The following PSMD12 variants were observed in gnomAD, a reference collection of about 807,000 sequenced individuals.
PSMD12 encodes the protein 26S proteasome non-ATPase regulatory subunit 12.
A neutral mutation model predicts 62.9 loss-of-function variants in PSMD12; 8 were observed. That is an observed-to-expected ratio of 0.13 (90% CI 0.07 to 0.23). PSMD12 has a LOEUF of 0.23. PSMD12 is among the 10% of genes least tolerant of loss of function. The probability of loss-of-function intolerance (pLI) is 1.00; values close to 1 mark genes in which losing one functional copy is unlikely to be tolerated. For missense variants in PSMD12, 424 were observed against 550.2 expected, an observed-to-expected ratio of 0.77 and a Z score of 2.29; for synonymous variants, 173 against 187.4, an observed-to-expected ratio of 0.92 and a Z score of 0.63.
chr17:67,356,585 A>AAAAAAAAAAAAC, intron 3 of PSMD12, among the ~76,000 whole-genome samples: 1 of 146,840 alleles, frequency 6.8e-6, no homozygotes, highest in Non-Finnish European at 1.5e-5. Flanking sequence ...AAAAAAAAAA[A>AAAAAAAAAAAAC]AGAAAATGAA....
intron 1 of PSMD12, among the ~76,000 whole-genome samples, chr17:67,359,422 CT>C (rs1449303764): frequency 6.6e-6 from 1 of 152,128 alleles, no homozygotes; most frequent in Non-Finnish European, 1.5e-5. Context: ...GTAAATATCT[CT>C]GACAATAAAT....
At chr17:67,352,851 G>C (rs934722472) in intron 3 of PSMD12, among the ~76,000 whole-genome samples, 3 of 152,198 alleles carry the variant, frequency 2.0e-5, no homozygotes, top group Non-Finnish European at 2.9e-5. Flanking sequence ...ACTGTATCCA[G>C]GGCAGTGCTT....
intron 3 of PSMD12, among the ~76,000 whole-genome samples, chr17:67,356,583 A>AAAAAAG (rs1567958899): frequency 6.8e-6 from 1 of 147,098 alleles, no homozygotes; most frequent in Admixed American, 6.8e-5. Flanking sequence ...AAAAAAAAAA[A>AAAAAAG]AAAGAAAATG....
intron 1 of PSMD12, 103 bp downstream of exon 1, chr17:67,366,309 G>A (rs1194661376): frequency 1.8e-6 from 2 of 1,111,778 alleles, no homozygotes; most frequent in Non-Finnish European, 2.6e-6. Flanking sequence ...GACAGGCATT[G>A]GGGGGTGCAC....
chr17:67,355,948 T>C (rs6504500), intron 3 of PSMD12, among the ~76,000 whole-genome samples: 110,973 of 150,452 alleles, frequency 0.74, 41,345 homozygotes, highest in Non-Finnish European at 0.79. Context: ...GGTAATGTAG[T>C]GAGACCCAAG....
Position 67,356,009 on chromosome 17 carries a change from C to T in PSMD12, c.297+1294G>A, listed in dbSNP as rs1053949680. Among the ~76,000 whole-genome samples the T allele has an allele frequency of 3.7e-4, 46 of 125,588 alleles. 1 individual carries two copies. In the East Asian group the frequency reaches 6.1e-3, roughly 17 times the overall value. The allele number at this position is 125,588 out of a possible 152,430, so 82.4% of individuals were successfully genotyped here. A position where few individuals can be genotyped will look rare whatever the true frequency, so the allele number is the denominator to read the frequency against. The stretch of plus-strand genomic sequence containing the variant: ...ACACACACACACACACACACACACA[C>T]GCACACACACACAAGATTAAATGTT... On this transcript the variant is annotated intron_variant, in intron 3 of 10. Transcript: ENST00000356126.
rs1320615806 is a variant in PSMD12, at chr17:67,342,233, G to A, written c.1114C>T (p.Arg372Trp). 11 of 1,586,526 alleles carry A rather than the reference G, an allele frequency of 6.9e-6. No individual in the cohort carries two copies. Among genetic ancestry groups the A allele is most frequent in the African/African-American group, 2.7e-5 (2 of 74,190 alleles). Residue 372 changes from arginine (R) to tryptophan (W), a missense_variant, in exon 10 of 11, where the codon CGG becomes TGG. Arg to Trp is a moderately radical substitution (Grantham distance 101, BLOSUM62 -3). Transcript: ENST00000356126. The part of the protein sequence containing the change: ...NIRIMAKYYT[R>W]ITMKRMAQLL... ...TGTGCCATCCTTTTCATTGTTATCC[G>A]AGTATAATACTTGGCCATTATTCTA... is the stretch of plus-strand genomic sequence containing the variant.
chr17:67,366,434 G>A lies in PSMD12; in HGVS notation c.86C>T (p.Pro29Leu), dbSNP rs773001059. The A allele has an allele frequency of 1.2e-6, 2 of 1,612,378 alleles. No individual in the cohort carries two copies. Among genetic ancestry groups the A allele is most frequent in the South Asian group, 2.2e-5 (2 of 91,040 alleles). Residue 29 changes from proline (P) to leucine (L), a missense_variant, in exon 1 of 11, where the codon CCC (proline) becomes CTC (leucine). Transcript: ENST00000356126. ...DYSATVDQRL[P>L]ECAKLAKEGR... ...CACCTTGGCTAGCTTCGCACACTCG[G>A]GTAGGCGCTGATCCACCGTGGCGCT...
At chr17:67,364,777 G>A (rs2042163893) in intron 1 of PSMD12, among the ~76,000 whole-genome samples, 1 of 152,112 alleles carries the variant, frequency 6.6e-6, no homozygotes, top group African/African-American at 2.4e-5. Flanking sequence ...TCATCTTCCT[G>A]GTTTCTCCCT....
intron 1 of PSMD12, among the ~76,000 whole-genome samples, chr17:67,361,539 G>C (rs2042127756): frequency 6.6e-6 from 1 of 152,070 alleles, no homozygotes; most frequent in Non-Finnish European, 1.5e-5. Flanking sequence ...CTGAGATCAT[G>C]CCTCTGCACT....
At chr17:67,348,820 A>G (rs1355734629) in intron 4 of PSMD12, among the ~76,000 whole-genome samples, 166 bp from the exon 5 acceptor site, 1 of 152,032 alleles carries the variant, frequency 6.6e-6, no homozygotes, top group Non-Finnish European at 1.5e-5. Flanking sequence ...AAACATGTTG[A>G]GCCCGTCTCT....
chr17:67,341,083 A>C, intron 10 of PSMD12, 31 bp from the exon 11 acceptor site: 2 of 1,477,812 alleles, frequency 1.4e-6, no homozygotes, highest in Non-Finnish European at 1.8e-6. Flanking sequence ...TTGGATTAAG[A>C]CAGGATAAAT....
chr17:67,346,222 G>A (rs1330584503), intron 7 of PSMD12, among the ~76,000 whole-genome samples: 1 of 151,830 alleles, frequency 6.6e-6, no homozygotes, highest in African/African-American at 2.4e-5. Flanking sequence ...GTGAAACCCT[G>A]TCTCTACTAA....
At position 67,339,544 on chromosome 17, in the gene PSMD12, G is replaced by A. The variant is rs1263042160; in HGVS notation, c.*1299C>T. ...AATGACTCACAGGATAAATATGACAGATATCCCACAACTGTCTTCAGTCCT... is the reference window on the plus strand; with the variant it reads ...AATGACTCACAGGATAAATATGACAAATATCCCACAACTGTCTTCAGTCCT... On this transcript the variant is annotated 3_prime_UTR_variant, in exon 11 of 11. Coordinates refer to ENST00000356126, the MANE Select transcript of PSMD12 (RefSeq NM_002816.5). 1 of 152,154 alleles carries A rather than the reference G, an allele frequency of 6.6e-6. No homozygotes were observed. Among genetic ancestry groups the A allele is most frequent in the Non-Finnish European group, 1.5e-5 (1 of 68,036 alleles). The allele number at this position is 152,154 out of a possible 1,614,324, so 9.4% of individuals were successfully genotyped here. A position where few individuals can be genotyped will look rare whatever the true frequency, so the allele number is the denominator to read the frequency against.
intron 10 of PSMD12, 50 bp downstream of exon 10, chr17:67,342,136 A>G: frequency 7.7e-7 from 1 of 1,291,644 alleles, no homozygotes; most frequent in East Asian, 2.3e-5. Flanking sequence ...TTTACAAGTC[A>G]ACATTCAAAA....
intron 10 of PSMD12, 146 bp from the exon 11 acceptor site, chr17:67,341,198 G>A (rs2041911635): frequency 1.6e-6 from 1 of 639,762 alleles, no homozygotes; most frequent in East Asian, 3.3e-5. Context: ...GCTGGGTGTG[G>A]TGGCTCACAC....
chr17:67,354,454 T>C (rs2042048430), intron 3 of PSMD12, among the ~76,000 whole-genome samples: 1 of 151,852 alleles, frequency 6.6e-6, no homozygotes, highest in Non-Finnish European at 1.5e-5. Context: ...CACCCCCTAC[T>C]AGCTCTGAGT....
chr17:67,346,585 TAAAC>T (rs1383942022), intron 7 of PSMD12, among the ~76,000 whole-genome samples: 7 of 151,674 alleles, frequency 4.6e-5, no homozygotes, highest in South Asian at 4.2e-4. Flanking sequence ...AAAAAACAAA[TAAAC>T]AAACAAAAAA....
chr17:67,361,439 G>A (rs945632113), intron 1 of PSMD12, among the ~76,000 whole-genome samples: 7 of 152,074 alleles, frequency 4.6e-5, no homozygotes, highest in African/African-American at 7.2e-5. Context: ...AAATTTAGCC[G>A]GGCGTGGTGG....
Sources: gnomAD v4.1 joint callset for allele counts (sites outside exome capture counted in the v4.1 genomes callset) on GRCh38, gnomAD v4.1.1 for gene constraint, MANE v1.5 for transcripts, NCBI Gene and HGNC (gene_info 2026-07-23, HGNC 2026-07-21) for gene names.